VPS13B: variants seen among roughly 807,000 people sequenced by gnomAD.
VPS13B encodes the protein vacuolar protein sorting 13 homolog B.
VPS13B carries 285 observed loss-of-function variants against 426.4 expected under a neutral mutation model. The observed-to-expected ratio is 0.67, with a 90% CI of 0.61 to 0.74. The LOEUF (loss-of-function observed/expected upper bound fraction) is 0.74, where lower values mean the gene tolerates loss of function less well. Ranked by LOEUF, VPS13B falls within the 30% of genes least tolerant of loss-of-function variation. The probability of loss-of-function intolerance (pLI) is 0.00; values close to 1 mark genes in which losing one functional copy is unlikely to be tolerated. For missense variants in VPS13B, 4,537 were observed against 4,782.6 expected (o/e 0.95, Z 1.51); for synonymous variants, 1,676 against 1,676.4 (o/e 1.00, Z 0.01).
intron 3 of VPS13B, among the ~76,000 whole-genome samples, chr8:99,048,922 T>G (rs1349772641): frequency 6.6e-6 from 1 of 152,222 alleles, no homozygotes; most frequent in Non-Finnish European, 1.5e-5. Context: ...AATGTCCCTC[T>G]TTGTCTTTTT....
At chr8:99,603,350 T>C (rs527786125) in intron 33 of VPS13B, among the ~76,000 whole-genome samples, 168 of 152,264 alleles carry the variant, frequency 1.1e-3, no homozygotes, top group African/African-American at 3.9e-3. Flanking sequence ...TATCCTATGT[T>C]TTTCCTGCAC....
At chr8:99,483,418 T>A (rs1371776936) in intron 25 of VPS13B, among the ~76,000 whole-genome samples, 1 of 152,182 alleles carries the variant, frequency 6.6e-6, no homozygotes, top group Non-Finnish European at 1.5e-5. Flanking sequence ...ATACAAAATC[T>A]TTTAGAATTC....
chr8:99,334,583 A>G (rs2133163825), intron 19 of VPS13B, among the ~76,000 whole-genome samples: 1 of 152,234 alleles, frequency 6.6e-6, no homozygotes, highest in East Asian at 1.9e-4. Context: ...AATTTTGTCA[A>G]AGGCCTTTTC....
Position 99,854,244 on chromosome 8 carries a change from C to A in VPS13B, c.10855C>A (p.Leu3619Ile). ...GGCAATGCACTATGCCGCTGGGGCC[C>A]TTTTTAGAGCAGGTAAGAACACAAG... is the stretch of plus-strand genomic sequence containing the variant. ...ALAMHYAAGA[L>I]FRAGWVVGSL... Residue 3619 changes from leucine (L) to isoleucine (I), a missense_variant, in exon 56 of 62, where the codon CTT (leucine) becomes ATT (isoleucine). Leu to Ile is a conservative substitution (Grantham distance 5). Transcript: ENST00000357162. The A allele has an allele frequency of 6.2e-7, 1 of 1,613,750 alleles. No homozygotes were observed. Among genetic ancestry groups the A allele is most frequent in the Non-Finnish European group, 8.5e-7 (1 of 1,179,960 alleles).
chr8:99,502,702 A>T (rs1385847356), intron 26 of VPS13B, 134 bp from the exon 27 acceptor site: 1 of 750,572 alleles, frequency 1.3e-6, no homozygotes, highest in African/African-American at 1.7e-5. Flanking sequence ...TTTGCTTATT[A>T]TTCTAGAAGC....
At chr8:99,013,959 C>T (rs553809125) in intron 2 of VPS13B, 24 bp downstream of exon 2, 2 of 1,614,010 alleles carry the variant, frequency 1.2e-6, no homozygotes, top group South Asian at 1.1e-5. Context: ...CTGTCATTAA[C>T]TGGAAACAGT....
At chr8:99,187,509 A>G (rs1359683835) in intron 16 of VPS13B, among the ~76,000 whole-genome samples, 1 of 152,216 alleles carries the variant, frequency 6.6e-6, no homozygotes, top group Non-Finnish European at 1.5e-5. Context: ...TTTCTGGTCC[A>G]TTCATTCCAA....
intron 19 of VPS13B, among the ~76,000 whole-genome samples, chr8:99,322,909 A>G (rs1227336750): frequency 6.6e-6 from 1 of 152,220 alleles, no homozygotes; most frequent in Non-Finnish European, 1.5e-5. Flanking sequence ...TGCACTCTGT[A>G]CTAAGTCACA....
chr8:99,314,314 C>T (rs546721401), intron 19 of VPS13B, among the ~76,000 whole-genome samples: 2 of 151,800 alleles, frequency 1.3e-5, no homozygotes, highest in South Asian at 2.1e-4. Flanking sequence ...TGGAACCACC[C>T]CCGAGACTTG....
intron 5 of VPS13B, among the ~76,000 whole-genome samples, chr8:99,109,760 G>C (rs911619885): frequency 2.0e-5 from 3 of 152,124 alleles, no homozygotes; most frequent in African/African-American, 7.2e-5. Flanking sequence ...TTACAGCTCT[G>C]ATCTTTATAA....
At chr8:99,589,711 G>T (rs1293907803) in intron 33 of VPS13B, among the ~76,000 whole-genome samples, 1 of 152,068 alleles carries the variant, frequency 6.6e-6, no homozygotes, top group Non-Finnish European at 1.5e-5. Context: ...AATCCTTTGG[G>T]TATATACCCA....
At chr8:99,202,751 T>A (rs1229484329) in intron 17 of VPS13B, among the ~76,000 whole-genome samples, 1 of 151,650 alleles carries the variant, frequency 6.6e-6, no homozygotes, top group African/African-American at 2.4e-5. Context: ...CAAAAAAAAA[T>A]GGGCGTGGTG....
At chr8:99,635,354 TATA>T (rs1829027813) in intron 33 of VPS13B, among the ~76,000 whole-genome samples, 1 of 151,916 alleles carries the variant, frequency 6.6e-6, no homozygotes, top group Non-Finnish European at 1.5e-5. Flanking sequence ...AGATATGAAA[TATA>T]ATCTCATAAT....
chr8:99,770,027 T>C (rs559877470), intron 40 of VPS13B, among the ~76,000 whole-genome samples: 14 of 151,922 alleles, frequency 9.2e-5, no homozygotes, highest in African/African-American at 3.4e-4. Flanking sequence ...AGCAAAACGG[T>C]GCATGCCTGT....
intron 17 of VPS13B, among the ~76,000 whole-genome samples, chr8:99,217,818 T>A (rs1157715943): frequency 6.6e-6 from 1 of 152,224 alleles, no homozygotes. Flanking sequence ...CATATCTGGT[T>A]GTGCCAGTTT....
At chr8:99,483,348 C>T (rs754988575) in intron 25 of VPS13B, among the ~76,000 whole-genome samples, 1 of 151,952 alleles carries the variant, frequency 6.6e-6, no homozygotes, top group African/African-American at 2.4e-5. Context: ...GTTAATGGGA[C>T]GTATCGTTTC....
In VPS13B at chr8:99,109,469, C is replaced by T. The variant is rs548503583; in HGVS notation, c.581-1629C>T. ...TGTGATCTTGGCTCACTGCAAGCTC[C>T]ACCCCTGGGTTCAAGCCATTCTTGT... On this transcript the variant is annotated intron_variant, in intron 5 of 61. Coordinates refer to ENST00000357162, the MANE Select transcript of VPS13B (RefSeq NM_152564.5). Among the ~76,000 whole-genome samples the T allele has an allele frequency of 9.2e-5, 14 of 151,580 alleles. No homozygotes were observed. In the East Asian group the frequency reaches 2.5e-3, roughly 27 times the overall value.
intron 5 of VPS13B, among the ~76,000 whole-genome samples, chr8:99,109,324 GAAT>G (rs1847229511): frequency 6.6e-6 from 1 of 151,144 alleles, no homozygotes; most frequent in Admixed American, 6.6e-5. Flanking sequence ...CTCTTTCACT[GAAT>G]AATAATTGTC....
At chr8:99,332,143 GC>G (rs202122594) in intron 19 of VPS13B, among the ~76,000 whole-genome samples, 1,943 of 151,614 alleles carry the variant, frequency 0.013, 173 homozygotes, top group Admixed American at 0.12. Context: ...CAGAAATTTG[GC>G]CAGTCTTATG....
Sources: allele counts gnomAD v4.1 joint callset (sites outside exome capture counted in the v4.1 genomes callset), GRCh38; gene constraint gnomAD v4.1.1; transcripts MANE v1.5; gene names NCBI Gene and HGNC (gene_info 2026-07-23, HGNC 2026-07-21).